NLGN4X: variants seen among roughly 807,000 people sequenced by gnomAD.
The protein encoded by NLGN4X is neuroligin-4, X-linked.
A neutral mutation model predicts 40.3 loss-of-function variants in NLGN4X; 3 were observed. The observed-to-expected ratio is 0.07, with a 90% CI of 0.03 to 0.19. The LOEUF (loss-of-function observed/expected upper bound fraction) is 0.19, where lower values mean the gene tolerates loss of function less well. Ranked by LOEUF, NLGN4X falls within the 10% of genes least tolerant of loss-of-function variation. The probability of loss-of-function intolerance (pLI) is 1.00; values close to 1 mark genes in which losing one functional copy is unlikely to be tolerated. For synonymous variants in NLGN4X, 270 were observed against 306.8 expected (o/e 0.88, Z 1.25); for missense variants, 382 against 708.3 (o/e 0.54, Z 5.23).
chrX:6,100,969 T>C (rs1048956320), intron 2 of NLGN4X, among the ~76,000 whole-genome samples: 1 of 111,292 alleles, frequency 9.0e-6, no homozygotes, highest in Non-Finnish European at 1.9e-5. Context: ...TAGAGATCGA[T>C]TGCATTCCAA....
intron 2 of NLGN4X, among the ~76,000 whole-genome samples, chrX:6,050,459 C>T (rs183049557): frequency 8.8e-4 from 98 of 110,830 alleles, no homozygotes; most frequent in Non-Finnish European, 3.6e-4. Flanking sequence ...CCTATCTATC[C>T]ATCTCTATCA....
chrX:5,947,146 C>A (rs763438340), intron 3 of NLGN4X, among the ~76,000 whole-genome samples: 1 of 111,657 alleles, frequency 9.0e-6, no homozygotes, highest in Non-Finnish European at 1.9e-5. Context: ...AACATATGTG[C>A]GCATGTGTCT....
intron 3 of NLGN4X, among the ~76,000 whole-genome samples, chrX:5,964,646 A>G (rs974513841): frequency 9.1e-6 from 1 of 110,465 alleles, no homozygotes; most frequent in Non-Finnish European, 1.9e-5. Flanking sequence ...AGCTGTGACT[A>G]TAGGCACATG....
intron 1 of NLGN4X, among the ~76,000 whole-genome samples, chrX:6,153,895 G>A (rs911620242): frequency 8.9e-6 from 1 of 112,407 alleles, no homozygotes; most frequent in Non-Finnish European, 1.9e-5. Context: ...CTAAGAAGAC[G>A]CGCCCAAGGG....
chrX:5,983,490 AAAAATC>A (rs929551833), intron 3 of NLGN4X, among the ~76,000 whole-genome samples: 1 of 112,476 alleles, frequency 8.9e-6, no homozygotes, highest in Admixed American at 9.4e-5. Flanking sequence ...ATGAAAAAAT[AAAAATC>A]AAATCAAACT....
chrX:5,927,166 C>T (rs1400467437), intron 3 of NLGN4X, among the ~76,000 whole-genome samples: 1 of 110,630 alleles, frequency 9.0e-6, no homozygotes, highest in Non-Finnish European at 1.9e-5. Flanking sequence ...GGCAATCAGA[C>T]AATTAGAAAA....
intron 3 of NLGN4X, among the ~76,000 whole-genome samples, chrX:5,952,111 G>A (rs2034331881): frequency 8.9e-6 from 1 of 111,893 alleles, no homozygotes; most frequent in Admixed American, 9.5e-5. Context: ...GGATGCAATG[G>A]TATAATTGGC....
At position 5,893,237 on chromosome X, in the gene NLGN4X, G is replaced by A; in HGVS notation, c.2031C>T (p.Val677=). 3.3e-6 allele frequency: 4 copies of A among 1,211,288 alleles called. No individual in the cohort carries two copies. The highest frequency in any genetic ancestry group is 2.2e-6 in the Non-Finnish European group (2 of 895,391). Residue 677 remains valine, a synonymous_variant, in exon 6 of 6, where the codon GTC becomes GTT. Coordinates refer to ENST00000381095, the MANE Select transcript of NLGN4X (RefSeq NM_181332.3). ...GGAGCGACGCCCCGACGGCAATGGT[G>A]ACACTTAATTCGGTGGAATAATCTC... is the stretch of plus-strand genomic sequence containing the variant. ...TKRDYSTELS[V]TIAVGASLLF...
At chrX:6,095,051 T>C (rs1448148693) in intron 2 of NLGN4X, among the ~76,000 whole-genome samples, 1 of 109,022 alleles carries the variant, frequency 9.2e-6, no homozygotes, top group Non-Finnish European at 1.9e-5. Flanking sequence ...TGTACGAGCC[T>C]TAGTTGTTGA....
intron 5 of NLGN4X, among the ~76,000 whole-genome samples, chrX:5,896,015 G>T (rs889625713): frequency 9.0e-6 from 1 of 111,432 alleles, no homozygotes; most frequent in Non-Finnish European, 1.9e-5. Context: ...ATTAGTTATT[G>T]ATTTTTAATA....
chrX:5,989,910 A>G (rs1236368807), intron 3 of NLGN4X, among the ~76,000 whole-genome samples: 1 of 111,751 alleles, frequency 8.9e-6, no homozygotes, highest in Non-Finnish European at 1.9e-5. Flanking sequence ...AACAATTAAA[A>G]TAAAATACAA....
At position 6,175,132 on chromosome X, in the gene NLGN4X, C is replaced by A. The variant is rs181288169; in HGVS notation, c.-305-23361G>T. On this transcript the variant is annotated intron_variant, in intron 1 of 5. Transcript: ENST00000381095. The stretch of plus-strand genomic sequence containing the variant: ...TCCATTGGCTAATACAACATTCAAT[C>A]CAACCTGGATATAGAGAAACACCAT... Among the ~76,000 whole-genome samples the A allele has an allele frequency of 1.8e-3, 206 of 111,476 alleles. 1 individual carries two copies. Among genetic ancestry groups the A allele is most frequent in the African/African-American group, 5.9e-3 (182 of 30,741 alleles).
chrX:6,034,508 G>A (rs2036951597), intron 2 of NLGN4X, among the ~76,000 whole-genome samples: 1 of 111,879 alleles, frequency 8.9e-6, no homozygotes, highest in Non-Finnish European at 1.9e-5. Context: ...GATACCTAGG[G>A]GTGAAATTGC....
intron 2 of NLGN4X, among the ~76,000 whole-genome samples, chrX:6,093,009 T>C (rs967851973): frequency 9.2e-6 from 1 of 109,023 alleles, no homozygotes; most frequent in African/African-American, 3.3e-5. Flanking sequence ...AATGATTAAA[T>C]ATATGAATCC....
intron 1 of NLGN4X, among the ~76,000 whole-genome samples, chrX:6,178,326 G>T (rs868664494): frequency 9.0e-6 from 1 of 111,652 alleles, no homozygotes. Context: ...TTCACCCACC[G>T]AGCTCTGATA....
chrX:6,042,730 T>TACATATATACACAC (rs1555956846), intron 2 of NLGN4X, among the ~76,000 whole-genome samples: 5 of 20,149 alleles, frequency 2.5e-4, no homozygotes, highest in African/African-American at 8.0e-4. Flanking sequence ...TATATATATA[T>TACATATATACACAC]ACACACACAC....
chrX:6,142,309 T>C (rs2039964542), intron 2 of NLGN4X, among the ~76,000 whole-genome samples: 1 of 112,341 alleles, frequency 8.9e-6, no homozygotes, highest in Non-Finnish European at 1.9e-5. Context: ...TCAATAAGAT[T>C]ATTACTCAGT....
chrX:6,108,259 A>G (rs994912805), intron 2 of NLGN4X, among the ~76,000 whole-genome samples: 1 of 112,375 alleles, frequency 8.9e-6, no homozygotes, highest in Non-Finnish European at 1.9e-5. Flanking sequence ...AAAGCACCAA[A>G]GCCTTCTCAC....
At chrX:6,035,604 T>C (rs2036983431) in intron 2 of NLGN4X, among the ~76,000 whole-genome samples, 1 of 111,829 alleles carries the variant, frequency 8.9e-6, no homozygotes, top group Non-Finnish European at 1.9e-5. Context: ...TTGTTAAAAA[T>C]CTATTGACTA....
Sources: allele counts gnomAD v4.1 joint callset (sites outside exome capture counted in the v4.1 genomes callset), GRCh38; gene constraint gnomAD v4.1.1; transcripts MANE v1.5; gene names NCBI Gene and HGNC (gene_info 2026-07-23, HGNC 2026-07-21).